RORC: variants seen among roughly 807,000 people sequenced by gnomAD.
RORC encodes nuclear receptor ROR-gamma.
Under a neutral mutation model 64.5 loss-of-function variants are expected in RORC, and 13 were observed. That is an observed-to-expected ratio of 0.20 (90% CI 0.13 to 0.32). The LOEUF is 0.32. RORC is among the 10% of genes least tolerant of loss of function. RORC has a pLI of 1.00. For synonymous variants in RORC, 277 were observed against 259.3 expected, an observed-to-expected ratio of 1.07 and a Z score of -0.65; for missense variants, 468 against 669.5, an observed-to-expected ratio of 0.70 and a Z score of 3.32.
chr1:151,829,331 A>G (rs1652317898), intron 2 of RORC, 98 bp downstream of exon 2: 1 of 1,179,394 alleles, frequency 8.5e-7, no homozygotes, highest in South Asian at 1.6e-5. Flanking sequence ...TGACTCCTCC[A>G]CCTCTGTCCA....
chr1:151,818,346 G>T (rs1651854314), intron 2 of RORC, among the ~76,000 whole-genome samples: 1 of 152,162 alleles, frequency 6.6e-6, no homozygotes, highest in African/African-American at 2.4e-5. Context: ...GTGCATATTT[G>T]TATGTTAGTG....
In RORC at chr1:151,829,413, C is replaced by T. The variant is rs200230656; in HGVS notation, c.70+16G>A. On this transcript the variant is annotated intron_variant, in intron 2 of 10. Transcript: ENST00000318247. ...TTATGCCCCAGCCATTTTCTTGCCC[C>T]GGACCCCCTACTCACAGGTGTGGGT... The T allele has an allele frequency of 1.6e-5, 24 of 1,537,052 alleles. No individual in the cohort carries two copies. In the Middle Eastern group the frequency reaches 5.1e-4, roughly 32 times the overall value.
intron 9 of RORC, chr1:151,811,888 A>G (rs1355824285): frequency 6.6e-6 from 1 of 152,474 alleles, no homozygotes; most frequent in Non-Finnish European, 1.5e-5. Flanking sequence ...AAATATCCAG[A>G]AGTCATCTTT....
intron 2 of RORC, among the ~76,000 whole-genome samples, chr1:151,823,454 C>T (rs982480701): frequency 1.3e-5 from 2 of 152,142 alleles, no homozygotes; most frequent in Non-Finnish European, 2.9e-5. Flanking sequence ...AGCAGCAGGT[C>T]GGATGGCAGG....
At chr1:151,816,536 CG>C in intron 4 of RORC, 127 bp downstream of exon 4, 2 of 991,420 alleles carry the variant, frequency 2.0e-6, no homozygotes, top group Non-Finnish European at 2.8e-6. Context: ...GGGGTTGTAA[CG>C]GGGAGGAATG....
chr1:151,819,081 G>A (rs1285983334), intron 2 of RORC, among the ~76,000 whole-genome samples: 1 of 152,188 alleles, frequency 6.6e-6, no homozygotes. Context: ...CACACTGTAA[G>A]CTGTGGTCCC....
chr1:151,827,301 G>A (rs1652229829), intron 2 of RORC, among the ~76,000 whole-genome samples: 2 of 152,158 alleles, frequency 1.3e-5, no homozygotes, highest in South Asian at 2.1e-4. Flanking sequence ...GGGTTTCTCT[G>A]GTTCAAGTCT....
At chr1:151,812,895 T>TTCTTCAAGGG (rs1651594983) in intron 9 of RORC, 52 bp downstream of exon 9, 1 of 1,188,834 alleles carries the variant, frequency 8.4e-7, no homozygotes, top group East Asian at 2.3e-5. Context: ...CTTCAATATC[T>TTCTTCAAGGG]GCCATGCCCC....
chr1:151,829,945 C>G (rs1329032857), intron 1 of RORC, among the ~76,000 whole-genome samples: 1 of 152,186 alleles, frequency 6.6e-6, no homozygotes, highest in African/African-American at 2.4e-5. Context: ...AATTGTAAAG[C>G]CCTGTGAAGG....
chr1:151,819,616 C>A (rs1166425846), intron 2 of RORC, among the ~76,000 whole-genome samples: 1 of 152,208 alleles, frequency 6.6e-6, no homozygotes, highest in African/African-American at 2.4e-5. Context: ...CAGCAGTCAA[C>A]CACAGGCCTC....
In RORC at chr1:151,807,686, G is replaced by A; in HGVS notation, c.1396-53C>T. The A allele has an allele frequency of 6.3e-7, 1 of 1,584,786 alleles. No homozygotes were observed. The highest frequency in any genetic ancestry group is 8.6e-7 in the Non-Finnish European group (1 of 1,158,912). On this transcript the variant is annotated intron_variant, in intron 10 of 10. Coordinates refer to ENST00000318247, the MANE Select transcript of RORC (RefSeq NM_005060.4). This position sits in a 1 kb window ranked among gnomAD's most constrained non-coding sequence, Gnocchi z 5.0. ...GGTCAATACTTCAGCTCTCCTCAGA[G>A]CAAAGAAGTCCGCTCATTCTTCCTG...
At position 151,811,454 on chromosome 1, in the gene RORC, C is replaced by T. The variant is rs763253904; in HGVS notation, c.1286-20G>A. On this transcript the variant is annotated intron_variant, in intron 9 of 10. Transcript: ENST00000318247. ...GCCGATCTGGAGGAGGGGGTGGGAC[C>T]GTAATGAGAACAAGAAAGAACATGG... The T allele has an allele frequency of 1.3e-6, 2 of 1,484,834 alleles. No homozygotes were observed. Among genetic ancestry groups the T allele is most frequent in the African/African-American group, 1.4e-5 (1 of 72,182 alleles). The allele number at this position is 1,484,834 out of a possible 1,614,324, so 92.0% of individuals were successfully genotyped here. A position where few individuals can be genotyped will look rare whatever the true frequency, so the allele number is the denominator to read the frequency against.
intron 2 of RORC, among the ~76,000 whole-genome samples, chr1:151,824,175 T>C (rs1572045022): frequency 6.6e-6 from 1 of 152,182 alleles, no homozygotes; most frequent in Non-Finnish European, 1.5e-5. Context: ...TTGGCACTCA[T>C]TGGGGTCAGA....
chr1:151,830,776 G>A lies in RORC; in HGVS notation c.40+949C>T, dbSNP rs1281517061. On this transcript the variant is annotated intron_variant, in intron 1 of 10. Coordinates refer to ENST00000318247, the MANE Select transcript of RORC (RefSeq NM_005060.4). This position sits in a 1 kb window ranked among gnomAD's most constrained non-coding sequence, Gnocchi z 4.0. ...CTGGGGTGAGGGAGGAGAAAAGACT[G>A]CCCCGAGGTGGCAAGGCCCCACCCA... Among the ~76,000 whole-genome samples the A allele has an allele frequency of 6.6e-6, 1 of 152,116 alleles. No homozygotes were observed. The highest frequency in any genetic ancestry group is 1.5e-5 in the Non-Finnish European group (1 of 68,000).
chr1:151,829,340 C>T, intron 2 of RORC, 89 bp downstream of exon 2: 2 of 1,305,010 alleles, frequency 1.5e-6, no homozygotes, highest in Admixed American at 2.7e-5. Context: ...CACCTCTGTC[C>T]AACCTCAGTC....
intron 1 of RORC, among the ~76,000 whole-genome samples, chr1:151,829,877 A>G (rs1652337513): frequency 6.6e-6 from 1 of 152,208 alleles, no homozygotes; most frequent in South Asian, 2.1e-4. Context: ...CCATGTCACC[A>G]ACTGTCACCT....
rs1449211597 is a variant in RORC, at chr1:151,831,766, G to A, written c.-2C>T. On this transcript the variant is annotated 5_prime_UTR_variant, in exon 1 of 11. Coordinates refer to ENST00000318247, the MANE Select transcript of RORC (RefSeq NM_005060.4). ...CTGTCTCTGTGGGGCCCTGTCCATGGGGCAGCTCCCTTGGTGCCGTCCTGG... is the reference window on the plus strand; with the variant it reads ...CTGTCTCTGTGGGGCCCTGTCCATGAGGCAGCTCCCTTGGTGCCGTCCTGG... 1.2e-6 allele frequency: 2 copies of A among 1,608,824 alleles called. No individual in the cohort carries two copies. The highest frequency in any genetic ancestry group is 1.7e-6 in the Non-Finnish European group (2 of 1,179,880).
At chr1:151,816,885 T>C (rs1572039572) in intron 3 of RORC, 80 bp from the exon 4 acceptor site, 1 of 1,398,792 alleles carries the variant, frequency 7.1e-7, no homozygotes, top group African/African-American at 1.5e-5. Flanking sequence ...GCCCACAAGC[T>C]CTGGCAGCTT....
At position 151,829,124 on chromosome 1, in the gene RORC, C is replaced by A. The variant is rs551573240; in HGVS notation, c.70+305G>T. Among the ~76,000 whole-genome samples, 12 of 151,978 alleles carry A rather than the reference C, an allele frequency of 7.9e-5. No homozygotes were observed. In the South Asian group the frequency reaches 1.3e-3, roughly 16 times the overall value. ...CCCGGCCTGGCAGTCGGCCCCACCC[C>A]CTCCCATCTCCCTGCCTCTGTCCAG... On this transcript the variant is annotated intron_variant, in intron 2 of 10. Coordinates refer to ENST00000318247, the MANE Select transcript of RORC (RefSeq NM_005060.4).
Sources: allele counts gnomAD v4.1 joint callset (sites outside exome capture counted in the v4.1 genomes callset), GRCh38; gene constraint gnomAD v4.1.1; non-coding constraint Gnocchi (gnomAD v3.1); transcripts MANE v1.5; gene names NCBI Gene and HGNC (gene_info 2026-07-23, HGNC 2026-07-21).